The following NLRP5 variants were observed in gnomAD, a reference collection of about 807,000 sequenced individuals.
NLRP5 encodes NACHT, LRR and PYD domains-containing protein 5.
Under a neutral mutation model 113.1 loss-of-function variants are expected in NLRP5, and 93 were observed. The observed-to-expected ratio is 0.82, with a 90% confidence interval of 0.70 to 0.98. The LOEUF (loss-of-function observed/expected upper bound fraction) is 0.98, where lower values mean the gene tolerates loss of function less well. Among genes scored for constraint, NLRP5 ranks in the 50% least tolerant of loss-of-function variants. The pLI, the probability that NLRP5 is intolerant of heterozygous loss-of-function variation, is 0.00. For synonymous variants in NLRP5, 751 were observed against 600.7 expected, an observed-to-expected ratio of 1.25 and a Z score of -3.66; for missense variants, 1,808 against 1,514.3, an observed-to-expected ratio of 1.19 and a Z score of -3.22.
At chr19:56,006,423 A>AT (rs200649208) in intron 2 of NLRP5, among the ~76,000 whole-genome samples, 11 of 150,036 alleles carry the variant, frequency 7.3e-5, no homozygotes, top group South Asian at 4.2e-4. Context: ...TTAAAGTATA[A>AT]TTTTAAAAAA....
At chr19:55,987,874 C>A in the NLRP5 span, 1 of 1,614,100 alleles carries the variant, frequency 6.2e-7, no homozygotes, top group South Asian at 1.1e-5. Flanking sequence ...CACCCGACTT[C>A]ACGGGAAAAA....
chr19:55,999,975 G>A (rs1279397269), intron 1 of NLRP5, among the ~76,000 whole-genome samples: 1 of 150,968 alleles, frequency 6.6e-6, no homozygotes, highest in Non-Finnish European at 1.5e-5. Context: ...CTTCTCCAGG[G>A]AGGTGGTCAA....
In NLRP5 at chr19:56,023,534, G is replaced by A. The variant is rs146639067; in HGVS notation, c.679+3103G>A. On this transcript the variant is annotated intron_variant, in intron 6 of 14. Coordinates refer to ENST00000390649, the MANE Select transcript of NLRP5 (RefSeq NM_153447.4). ...TGCTACATGCTGAGCGGTGCGTTGA[G>A]TCCACACAAATTGAAGCGATGTGTA... Among the ~76,000 whole-genome samples the A allele has an allele frequency of 2.2e-3, 337 of 152,314 alleles. 1 individual carries two copies. The highest frequency in any genetic ancestry group is 3.9e-3 in the Non-Finnish European group (263 of 68,026).
At chr19:56,037,169 G>A (rs1385090841) in intron 9 of NLRP5, among the ~76,000 whole-genome samples, 1 of 152,150 alleles carries the variant, frequency 6.6e-6, no homozygotes, top group Admixed American at 6.6e-5. Context: ...AGATTTGGGG[G>A]TGGATGTGCT....
At chr19:55,994,201 G>A in the NLRP5 span, among the ~76,000 whole-genome samples, 3,718 of 152,234 alleles carry the variant, frequency 0.024, 78 homozygotes, top group Admixed American at 0.065. Flanking sequence ...GTGAGATTGC[G>A]ATGATGAGTA....
chr19:56,026,571 T>C (rs1331056871), intron 6 of NLRP5, among the ~76,000 whole-genome samples: 1 of 151,100 alleles, frequency 6.6e-6, no homozygotes, highest in Non-Finnish European at 1.5e-5. Context: ...CAAATTTTGT[T>C]TCCCGATTTA....
intron 10 of NLRP5, among the ~76,000 whole-genome samples, chr19:56,038,809 G>A (rs1983413644): frequency 6.6e-6 from 1 of 152,126 alleles, no homozygotes; most frequent in Admixed American, 6.6e-5. Flanking sequence ...AACACCTAAA[G>A]GGATATCACT....
chr19:56,015,782 A>G lies in NLRP5; in HGVS notation c.549A>G (p.Ala183=), dbSNP rs928676962. The change falls in exon 4 of 15, where the codon GCA becomes GCG. Residue 183 remains alanine (A), a synonymous_variant. Transcript: ENST00000390649. Reference sequence around the variant, plus strand: ...TGCAACAAGATAGTGCCACAGCTGCAGAGACAAAAGAACAAGGTGAATGAA... The same window carrying G: ...TGCAACAAGATAGTGCCACAGCTGCGGAGACAAAAGAACAAGGTGAATGAA... The G allele has an allele frequency of 4.5e-6, 7 of 1,570,918 alleles. No homozygotes were observed. Among genetic ancestry groups the G allele is most frequent in the Non-Finnish European group, 5.2e-6 (6 of 1,156,658 alleles).
chr19:56,045,736 G>A (rs1019882181), intron 11 of NLRP5, among the ~76,000 whole-genome samples: 4 of 152,098 alleles, frequency 2.6e-5, no homozygotes, highest in East Asian at 1.9e-4. Flanking sequence ...GTCTGGGACC[G>A]TTTATTGCGG....
chr19:55,998,886 C>T (rs944956439), upstream of NLRP5, among the ~76,000 whole-genome samples: 2 of 151,506 alleles, frequency 1.3e-5, no homozygotes, highest in Admixed American at 1.3e-4. Flanking sequence ...AAAAAGCTAA[C>T]ATGTCCATTG....
intron 2 of NLRP5, among the ~76,000 whole-genome samples, chr19:56,005,093 CAAA>C (rs1163132309): frequency 0.059 from 4,495 of 76,348 alleles, 105 homozygotes; most frequent in Admixed American, 0.096. Context: ...GACTGTGTCT[CAAA>C]AAAAAAAAAA....
In NLRP5 at chr19:56,020,527, A is replaced by G; in HGVS notation, c.679+96A>G. 3 of 1,377,622 alleles carry G rather than the reference A, an allele frequency of 2.2e-6. No homozygotes were observed. The Admixed American group carries it at 5.8e-5, about 26-fold the overall frequency. The allele number at this position is 1,377,622 out of a possible 1,614,324, so 85.3% of individuals were successfully genotyped here. A position where few individuals can be genotyped will look rare whatever the true frequency, so the allele number is the denominator to read the frequency against. On this transcript the variant is annotated intron_variant, in intron 6 of 14. Coordinates refer to ENST00000390649, the MANE Select transcript of NLRP5 (RefSeq NM_153447.4). ...TAGATTTCAAGGGTATGTAGTTTAG[A>G]TTGCCTTTCTTCAATCTCATTTGTC...
chr19:56,038,518 ATGCT>A (rs1207408210), intron 10 of NLRP5, among the ~76,000 whole-genome samples: 3 of 152,074 alleles, frequency 2.0e-5, no homozygotes, highest in Non-Finnish European at 4.4e-5. Context: ...GGGTTAGTGA[ATGCT>A]TGGCCCCACC....
chr19:56,056,506 G>A (rs532625378), intron 13 of NLRP5, among the ~76,000 whole-genome samples: 4 of 152,128 alleles, frequency 2.6e-5, no homozygotes, highest in East Asian at 1.9e-4. Context: ...GCAGTGAACC[G>A]AGAACGTGCC....
At chr19:56,014,300 G>A (rs1350773069) in intron 3 of NLRP5, among the ~76,000 whole-genome samples, 1 of 152,038 alleles carries the variant, frequency 6.6e-6, no homozygotes. Context: ...CCAACATGGT[G>A]AAACCCTGTC....
At chr19:55,992,088 T>C in the NLRP5 span, among the ~76,000 whole-genome samples, 1 of 152,182 alleles carries the variant, frequency 6.6e-6, no homozygotes, top group African/African-American at 2.4e-5. Flanking sequence ...TGTTCTTATT[T>C]AGCTCCCATT....
intron 4 of NLRP5, among the ~76,000 whole-genome samples, chr19:56,019,026 C>T (rs915095124): frequency 6.6e-6 from 1 of 151,452 alleles, no homozygotes; most frequent in African/African-American, 2.5e-5. Flanking sequence ...GAACCCCTGA[C>T]CTCTGGTGAT....
chr19:56,010,614 G>A (rs115309539), intron 3 of NLRP5, among the ~76,000 whole-genome samples: 5,774 of 151,150 alleles, frequency 0.038, 363 homozygotes, highest in African/African-American at 0.13. Flanking sequence ...CTAGCCAGGC[G>A]TGGTGGCATG....
chr19:56,013,596 G>GTTTTTTTTTTTTTTTTGTTTTTT (rs1982288732), intron 3 of NLRP5, among the ~76,000 whole-genome samples: 1 of 59,284 alleles, frequency 1.7e-5, no homozygotes, highest in East Asian at 4.8e-4. Context: ...GGACATTTGG[G>GTTTTTTTTTTTTTTTTGTTTTTT]TTTTTTTTTT....
Sources: allele counts gnomAD v4.1 joint callset (sites outside exome capture counted in the v4.1 genomes callset), GRCh38; gene constraint gnomAD v4.1.1; transcripts MANE v1.5; gene names NCBI Gene and HGNC (gene_info 2026-07-23, HGNC 2026-07-21).